The following RPE variants were observed in gnomAD, a reference collection of about 807,000 sequenced individuals.
RPE encodes the protein ribulose-5-phosphate-3-epimerase.
Under a neutral mutation model 24.6 loss-of-function variants are expected in RPE, and 16 were observed. That is an observed-to-expected ratio of 0.65 (90% CI 0.44 to 0.99). RPE has a LOEUF of 0.99. RPE is among the 50% of genes least tolerant of loss of function. The pLI, the probability that RPE is intolerant of heterozygous loss-of-function variation, is 0.00. For synonymous variants in RPE, 93 were observed against 98.4 expected (o/e 0.94, Z 0.33); for missense variants, 240 against 294.5 (o/e 0.81, Z 1.35).
At chr2:210,014,105 T>TG (rs899330804) in intron 2 of RPE, among the ~76,000 whole-genome samples, 18 of 152,088 alleles carry the variant, frequency 1.2e-4, no homozygotes, top group African/African-American at 4.1e-4. Flanking sequence ...TTTTGTTTTT[T>TG]TTTTGAGATG....
rs1199324287 is a variant in RPE, at chr2:210,017,464, T to A, written c.478-9T>A. 6 of 1,476,996 alleles carry A rather than the reference T, an allele frequency of 4.1e-6. No individual in the cohort carries two copies. The highest frequency in any genetic ancestry group is 5.6e-6 in the Non-Finnish European group (6 of 1,079,782). 91.5% of individuals were successfully genotyped at this position (1,476,996 alleles called of 1,614,324 possible). ...TAGGAGTTACTTATTTCCTCATGTA[T>A]ATATCTAGGTTCACTGGTTGAGGAC... On this transcript the variant is annotated splice_polypyrimidine_tract_variant and intron_variant, in intron 4 of 5. Coordinates refer to ENST00000359429, the MANE Select transcript of RPE (RefSeq NM_199229.3).
chr2:210,012,854 A>G (rs1172492312), intron 2 of RPE, among the ~76,000 whole-genome samples: 3 of 152,216 alleles, frequency 2.0e-5, no homozygotes, highest in Admixed American at 2.0e-4. Context: ...TATTTTACCA[A>G]ATGTGATTTT....
chr2:210,018,090 T>G (rs2093803683), intron 5 of RPE: 3 of 1,442,368 alleles, frequency 2.1e-6, no homozygotes, highest in South Asian at 2.6e-5. Context: ...AAATTGTAAA[T>G]CCTGGTTTTC....
chr2:210,002,683 G>C lies in RPE; in HGVS notation c.22G>C (p.Gly8Arg), dbSNP rs780496320. The C allele has an allele frequency of 6.2e-7, 1 of 1,613,958 alleles. No homozygotes were observed. The highest frequency in any genetic ancestry group is 1.7e-5 in the Admixed American group (1 of 60,014). The stretch of plus-strand genomic sequence containing the variant: ...CGGTATGGCGTCGGGCTGCAAGATT[G>C]GCCCGTCCATCCTCAACAGCGACCT... MASGCKI[G>R]PSILNSDLAN... Residue 8 changes from glycine to arginine, a missense_variant, in exon 1 of 6, where the codon GGC (glycine) becomes CGC (arginine). Transcript: ENST00000359429.
Position 210,004,236 on chromosome 2 carries a change from TAAG to T in RPE, c.122+1454_122+1456del, listed in dbSNP as rs2093600901. Among the ~76,000 whole-genome samples the T allele has an allele frequency of 2.0e-5, 3 of 152,178 alleles. No individual in the cohort carries two copies. The South Asian group carries it at 6.2e-4, about 31-fold the overall frequency. On this transcript the variant is annotated intron_variant, in intron 1 of 5. Transcript: ENST00000359429. The stretch of plus-strand genomic sequence containing the variant: ...TGGTTTTAATTAAACTATGTTTGAG[TAAG>T]TTAATGGTTGGGGAAAGTAATTGTT...
rs529048135 is a variant in RPE at position 210,015,291 on chromosome 2, C to T, written c.203-682C>T. ...CATTTTTCACCTGGGTTATTGCTAT[C>T]GTAGCTTCCTCAGTCGATAGTATCT... On this transcript the variant is annotated intron_variant, in intron 2 of 5. Transcript: ENST00000359429. 2.0e-5 allele frequency among the ~76,000 whole-genome samples: 3 copies of T among 152,268 alleles called. No individual in the cohort carries two copies. In the East Asian group the frequency reaches 5.8e-4, roughly 29 times the overall value.
In RPE at chr2:210,021,151, T is replaced by C. The variant is rs1443736186; in HGVS notation, c.*1360T>C. On this transcript the variant is annotated 3_prime_UTR_variant, in exon 6 of 6. Coordinates refer to ENST00000359429, the MANE Select transcript of RPE (RefSeq NM_199229.3). Reference sequence around the variant, plus strand: ...GAATTATACAGAGTCTAAAAATATGTGTCAGCTACTTCATTCCTGTAAATA... The same window carrying C: ...GAATTATACAGAGTCTAAAAATATGCGTCAGCTACTTCATTCCTGTAAATA... 6.6e-6 allele frequency: 1 copy of C among 152,140 alleles called. No individual in the cohort carries two copies. The highest frequency in any genetic ancestry group is 6.5e-5 in the Admixed American group (1 of 15,268). The allele number at this position is 152,140 out of a possible 1,614,324, so 9.4% of individuals were successfully genotyped here. A position where few individuals can be genotyped will look rare whatever the true frequency, so the allele number is the denominator to read the frequency against.
At chr2:210,009,764 T>A in intron 2 of RPE, 28 bp downstream of exon 2, 1 of 1,613,902 alleles carries the variant, frequency 6.2e-7, no homozygotes, top group Admixed American at 1.7e-5. Flanking sequence ...CATCTGAAGC[T>A]GGATGTGTTG....
At position 210,017,456 on chromosome 2, in the gene RPE, C is replaced by T. The variant is rs1341071747; in HGVS notation, c.478-17C>T. ...ACCCACTTTAGGAGTTACTTATTTCCTCATGTATATATCTAGGTTCACTGG... is the reference window on the plus strand; with the variant it reads ...ACCCACTTTAGGAGTTACTTATTTCTTCATGTATATATCTAGGTTCACTGG... On this transcript the variant is annotated splice_polypyrimidine_tract_variant and intron_variant, in intron 4 of 5. Transcript: ENST00000359429. 2 of 854,612 alleles carry T rather than the reference C, an allele frequency of 2.3e-6. No individual in the cohort carries two copies. Among genetic ancestry groups the T allele is most frequent in the South Asian group, 1.3e-5 (1 of 76,606 alleles). 52.9% of individuals were successfully genotyped at this position (854,612 alleles called of 1,614,324 possible). A position where few individuals can be genotyped will look rare whatever the true frequency, so the allele number is the denominator to read the frequency against.
At position 210,021,219 on chromosome 2, in the gene RPE, A is replaced by G. The variant is rs1406985195; in HGVS notation, c.*1428A>G. 1.3e-5 allele frequency: 2 copies of G among 152,162 alleles called. No homozygotes were observed. Among genetic ancestry groups the G allele is most frequent in the African/African-American group, 4.8e-5 (2 of 41,456 alleles). 9.4% of individuals were successfully genotyped at this position (152,162 alleles called of 1,614,324 possible). Reference sequence around the variant, plus strand: ...ATATGGCAAGAAATAAACATGACCAATATCAATAGACTTCTTGAGGCTACT... The same window carrying G: ...ATATGGCAAGAAATAAACATGACCAGTATCAATAGACTTCTTGAGGCTACT... On this transcript the variant is annotated 3_prime_UTR_variant, in exon 6 of 6. Coordinates refer to ENST00000359429, the MANE Select transcript of RPE (RefSeq NM_199229.3).
At chr2:210,005,321 C>G (rs1022424983) in intron 1 of RPE, among the ~76,000 whole-genome samples, 1 of 152,114 alleles carries the variant, frequency 6.6e-6, no homozygotes, top group Non-Finnish European at 1.5e-5. Context: ...TTTCTAGTCT[C>G]CTCCCCACTA....
At position 210,022,171 on chromosome 2, in the gene RPE, T is replaced by TTTA. The variant is rs770540539; in HGVS notation, c.*2383_*2385dup. The TTTA allele has an allele frequency of 1.3e-5, 2 of 152,082 alleles. No homozygotes were observed. Among genetic ancestry groups the TTTA allele is most frequent in the African/African-American group, 2.4e-5 (1 of 41,438 alleles). The allele number at this position is 152,082 out of a possible 1,614,324, so 9.4% of individuals were successfully genotyped here. On this transcript the variant is annotated 3_prime_UTR_variant, in exon 6 of 6. Coordinates refer to ENST00000359429, the MANE Select transcript of RPE (RefSeq NM_199229.3). ...CAATATTTGACTCAAATTTGCTTGC[T>TTTA]TTATTTTGTTAGGAGTAAACAGAAA...
chr2:210,018,608 G>A (rs558774727), intron 5 of RPE: 18 of 985,172 alleles, frequency 1.8e-5, no homozygotes, highest in East Asian at 1.1e-4. Flanking sequence ...TATGCAGGAG[G>A]GGCTGGCCAG....
intron 5 of RPE, chr2:210,018,369 C>G (rs2093808128): frequency 1.5e-6 from 2 of 1,354,696 alleles, no homozygotes; most frequent in Non-Finnish European, 1.9e-6. Flanking sequence ...CTTTGGCTAT[C>G]TGTATAGAAG....
At chr2:210,005,602 A>G (rs1467823097) in intron 1 of RPE, among the ~76,000 whole-genome samples, 1 of 152,080 alleles carries the variant, frequency 6.6e-6, no homozygotes, top group Non-Finnish European at 1.5e-5. Flanking sequence ...GGACGATTTC[A>G]CATTAATACT....
chr2:210,002,913 G>A (rs1038956279), intron 1 of RPE, 130 bp downstream of exon 1: 9 of 1,550,580 alleles, frequency 5.8e-6, no homozygotes, highest in Non-Finnish European at 7.9e-6. Flanking sequence ...ATGCTAGAAG[G>A]GGTGTGGGGT....
At chr2:210,009,014 C>A (rs1330608120) in intron 1 of RPE, among the ~76,000 whole-genome samples, 1 of 152,146 alleles carries the variant, frequency 6.6e-6, no homozygotes, top group Non-Finnish European at 1.5e-5. Flanking sequence ...TAATTTGAAT[C>A]CACTTCCACA....
At chr2:210,008,296 T>G (rs2723209) in intron 1 of RPE, among the ~76,000 whole-genome samples, 118,384 of 133,478 alleles carry the variant, frequency 0.89, 51,801 homozygotes, top group East Asian at 0.98. Context: ...GTTTTTGTTT[T>G]TTTTTTTTTT....
At chr2:210,008,843 A>G (rs555397102) in intron 1 of RPE, among the ~76,000 whole-genome samples, 7 of 151,980 alleles carry the variant, frequency 4.6e-5, no homozygotes, top group Admixed American at 4.6e-4. Flanking sequence ...TTACAGGTGC[A>G]TGCCACCACT....
Sources: gnomAD v4.1 joint callset for allele counts (sites outside exome capture counted in the v4.1 genomes callset) on GRCh38, gnomAD v4.1.1 for gene constraint, MANE v1.5 for transcripts, NCBI Gene and HGNC (gene_info 2026-07-23, HGNC 2026-07-21) for gene names.